TECTA: variants seen among roughly 807,000 people sequenced by gnomAD.
The protein encoded by TECTA is alpha-tectorin.
In TECTA, 128 loss-of-function variants were observed where a neutral mutation model predicts 216.8. The ratio of observed to expected loss-of-function variants is 0.59; its 90% CI spans 0.51 to 0.68. The LOEUF is 0.68. Ranked by LOEUF, TECTA falls within the 30% of genes least tolerant of loss-of-function variation. TECTA has a pLI of 0.00. For missense variants in TECTA, 2,551 were observed against 2,786.2 expected (o/e 0.92, Z 1.90); for synonymous variants, 1,089 against 1,117.1 (o/e 0.97, Z 0.50).
rs1427242678 is a variant in TECTA, at chr11:121,113,260, T to C, written c.624+51T>C. 1 of 1,612,554 alleles carries C rather than the reference T, an allele frequency of 6.2e-7. No individual in the cohort carries two copies. Among genetic ancestry groups the C allele is most frequent in the African/African-American group, 1.3e-5 (1 of 74,914 alleles). On this transcript the variant is annotated intron_variant, in intron 5 of 23. Coordinates refer to ENST00000392793, the MANE Select transcript of TECTA (RefSeq NM_005422.4). This position sits in a 1 kb window ranked among gnomAD's most constrained non-coding sequence, Gnocchi z 4.2. The stretch of plus-strand genomic sequence containing the variant: ...CGCGTGTTTCCGTCGCTGCACTCTC[T>C]GCTTCTGTGGCTCAGCATCCTGGAG...
chr11:121,120,545 A>G lies in TECTA; in HGVS notation c.1203+1827A>G, dbSNP rs371153098. ...GACTTCTTCAGCCATGCTGTGCCAGACCAGAAATGGCCACTAAGATCTGTT... is the reference window on the plus strand; with the variant it reads ...GACTTCTTCAGCCATGCTGTGCCAGGCCAGAAATGGCCACTAAGATCTGTT... On this transcript the variant is annotated intron_variant, in intron 7 of 23. Coordinates refer to ENST00000392793, the MANE Select transcript of TECTA (RefSeq NM_005422.4). Among the ~76,000 whole-genome samples the G allele has an allele frequency of 6.6e-5, 10 of 152,270 alleles. No individual in the cohort carries two copies. In the East Asian group the frequency reaches 1.4e-3, roughly 21 times the overall value.
chr11:121,118,658 C>G lies in TECTA; in HGVS notation c.1143C>G (p.Leu381=), dbSNP rs369118145. The G allele has an allele frequency of 9.3e-6, 15 of 1,613,960 alleles. No individual in the cohort carries two copies. Among genetic ancestry groups the G allele is most frequent in the Non-Finnish European group, 1.2e-5 (14 of 1,180,044 alleles). Residue 381 remains leucine, a synonymous_variant, in exon 7 of 24, where the codon CTC becomes CTG. Transcript: ENST00000392793. ...RGSAVSWVKE[L]SVEVNGYKIL... The stretch of plus-strand genomic sequence containing the variant: ...CAGCCGTCTCCTGGGTGAAGGAGCT[C>G]TCAGTGGAGGTGAATGGCTACAAGA...
At chr11:121,138,131 T>G in intron 11 of TECTA, 109 bp downstream of exon 11, 1 of 1,487,884 alleles carries the variant, frequency 6.7e-7, no homozygotes, top group Non-Finnish European at 9.2e-7. Flanking sequence ...AAAGAAAATC[T>G]TAGTATATTA....
At position 121,113,709 on chromosome 11, in the gene TECTA, A is replaced by G. The variant is rs773303895; in HGVS notation, c.781A>G (p.Thr261Ala). 4.6e-5 allele frequency: 74 copies of G among 1,613,418 alleles called. No individual in the cohort carries two copies. The highest frequency in any genetic ancestry group is 6.0e-5 in the Non-Finnish European group (71 of 1,179,986). The change falls in exon 6 of 24, where the codon ACC becomes GCC. Residue 261 changes from threonine to alanine, a missense_variant. This residue lies in a region of TECTA where 2,375 missense variants were observed against 2,563.9 expected (regional missense o/e 0.93). Coordinates refer to ENST00000392793, the MANE Select transcript of TECTA (RefSeq NM_005422.4). The surrounding 1 kb of genome is among the most constrained non-coding windows in gnomAD (Gnocchi z 4.2). Reference sequence around the variant, plus strand: ...GGAAATTGACCCAGCCAATGGCTGCACCTCAAGGGGTAAAGCTTTTCCTCT... The same window carrying G: ...GGAAATTGACCCAGCCAATGGCTGCGCCTCAAGGGGTAAAGCTTTTCCTCT... ...GKEIDPANGC[T>A]SRGQFLRRGE...
intron 6 of TECTA, among the ~76,000 whole-genome samples, chr11:121,115,389 G>A (rs1298694327): frequency 6.6e-6 from 1 of 152,222 alleles, no homozygotes; most frequent in Non-Finnish European, 1.5e-5. Flanking sequence ...TAGCTACCAT[G>A]ACATTACTAT....
At position 121,162,346 on chromosome 11, in the gene TECTA, G is replaced by C. The variant is rs769559125; in HGVS notation, c.5248G>C (p.Glu1750Gln). 3.7e-6 allele frequency: 6 copies of C among 1,613,296 alleles called. No homozygotes were observed. The highest frequency in any genetic ancestry group is 2.7e-5 in the African/African-American group (2 of 74,946). ...ACRSFGILST[E>Q]WIEKENCSGV... ...CCGCTCCTTCGGGATCCTTAGCACCGAGTGGATTGAGAAGGAGAATTGCTG... is the reference window on the plus strand; with the variant it reads ...CCGCTCCTTCGGGATCCTTAGCACCCAGTGGATTGAGAAGGAGAATTGCTG... Residue 1750 changes from glutamate (E) to glutamine (Q), a missense_variant, in exon 16 of 24, where the codon GAG becomes CAG. Physicochemically the swap from Glu to Gln is conservative, Grantham distance 29. This residue lies in a region of TECTA where 2,375 missense variants were observed against 2,563.9 expected (regional missense o/e 0.93). Transcript: ENST00000392793.
At chr11:121,187,170 A>G (rs1947296390) in intron 20 of TECTA, among the ~76,000 whole-genome samples, 1 of 152,246 alleles carries the variant, frequency 6.6e-6, no homozygotes, top group Non-Finnish European at 1.5e-5. Context: ...GAAACATTGC[A>G]TGAAAAGACA....
chr11:121,136,460 A>G (rs776727853), intron 10 of TECTA, among the ~76,000 whole-genome samples: 5 of 152,184 alleles, frequency 3.3e-5, no homozygotes, highest in Non-Finnish European at 7.3e-5. Context: ...CACCAGGAAC[A>G]GAGAAATGAA....
At position 121,105,704 on chromosome 11, in the gene TECTA, G is replaced by A. The variant is rs681311; in HGVS notation, c.65-127G>A. 471,516 of 1,185,950 alleles carry A rather than the reference G, an allele frequency of 0.4. 95,064 individuals are homozygous for A. The highest frequency in any genetic ancestry group is 0.42 in the Non-Finnish European group (344,687 of 822,662). The allele number at this position is 1,185,950 out of a possible 1,614,324, so 73.5% of individuals were successfully genotyped here. A position where few individuals can be genotyped will look rare whatever the true frequency, so the allele number is the denominator to read the frequency against. ...GGCCTAGGTTTAGGATGAATGACAGGGCAGTATGACTTGCATTCAGCTTGC... is the reference window on the plus strand; with the variant it reads ...GGCCTAGGTTTAGGATGAATGACAGAGCAGTATGACTTGCATTCAGCTTGC... On this transcript the variant is annotated intron_variant, in intron 2 of 23. Transcript: ENST00000392793. This position sits in a 1 kb window ranked among gnomAD's most constrained non-coding sequence, Gnocchi z 5.3.
chr11:121,158,005 CGGCGGCG>C lies in TECTA; in HGVS notation c.4472_4478del (p.Gly1491AlafsTer72), dbSNP rs776066992. The C allele has an allele frequency of 1.2e-6, 2 of 1,612,864 alleles. No individual in the cohort carries two copies. Among genetic ancestry groups the C allele is most frequent in the South Asian group, 2.2e-5 (2 of 91,066 alleles). On this transcript the variant is annotated frameshift_variant, in exon 14 of 24. Transcript: ENST00000392793. LOFTEE classifies it high-confidence loss of function. ...CCAAGACCTCCTACTGCCTGGCGGC[CGGCGGCG>C]GCGTCTTCCGCACCTTCGACGGCGC...
chr11:121,146,852 C>T (rs1946843149), intron 12 of TECTA, among the ~76,000 whole-genome samples: 2 of 152,172 alleles, frequency 1.3e-5, no homozygotes, highest in South Asian at 2.1e-4. Context: ...CCATGCTAAA[C>T]GTTTTATCAA....
At position 121,187,964 on chromosome 11, in the gene TECTA, CTG is replaced by C; in HGVS notation, c.6133_6134del (p.Cys2045ArgfsTer8). ...TTCACCTTCACTGTGCAGTGTCACTCTGCGACTCAGAAAAGTACTCCTGTAAA... is the reference window on the plus strand; with the variant it reads ...TTCACCTTCACTGTGCAGTGTCACTCCGACTCAGAAAAGTACTCCTGTAAA... The part of the protein sequence containing the change: ...EVHLHCAVSL[C>X]DSEKYSCKIT... On this transcript the variant is annotated frameshift_variant, in exon 21 of 24. Coordinates refer to ENST00000392793, the MANE Select transcript of TECTA (RefSeq NM_005422.4). LOFTEE classifies it high-confidence loss of function. The C allele has an allele frequency of 6.2e-7, 1 of 1,614,212 alleles. No individual in the cohort carries two copies. The highest frequency in any genetic ancestry group is 8.5e-7 in the Non-Finnish European group (1 of 1,180,032).
At chr11:121,114,132 T>A (rs1473659714) in intron 6 of TECTA, among the ~76,000 whole-genome samples, 1 of 152,168 alleles carries the variant, frequency 6.6e-6, no homozygotes, top group Non-Finnish European at 1.5e-5. Flanking sequence ...ACTTTGTAGA[T>A]CTACAGGAAT....
At chr11:121,144,144 G>A (rs1195658562) in intron 11 of TECTA, among the ~76,000 whole-genome samples, 2 of 152,172 alleles carry the variant, frequency 1.3e-5, no homozygotes, top group Admixed American at 6.5e-5. Flanking sequence ...CAAACTGTTC[G>A]GTGTTGCTGG....
At chr11:121,150,640 TTAA>T (rs1009555810) in intron 12 of TECTA, among the ~76,000 whole-genome samples, 3 of 125,816 alleles carry the variant, frequency 2.4e-5, no homozygotes, top group African/African-American at 1.0e-4. Context: ...AAGGCCTATT[TTAA>T]TTTTTTTTTT....
intron 3 of TECTA, among the ~76,000 whole-genome samples, chr11:121,107,343 T>C (rs1039592421): frequency 6.6e-6 from 1 of 152,230 alleles, no homozygotes; most frequent in Non-Finnish European, 1.5e-5. Context: ...GCAGATTTAT[T>C]TGAGGGTAAA....
intron 9 of TECTA, 147 bp from the exon 10 acceptor site, chr11:121,129,491 C>T (rs144703824): frequency 1.0e-4 from 78 of 751,516 alleles, no homozygotes; most frequent in African/African-American, 6.3e-4. Flanking sequence ...CATGACAAAT[C>T]GGTTGGTATC....
intron 10 of TECTA, among the ~76,000 whole-genome samples, chr11:121,133,515 C>T (rs475731): frequency 0.22 from 34,007 of 152,154 alleles, 3,876 homozygotes; most frequent in African/African-American, 0.24. Context: ...ATTTCATTGT[C>T]GTGTCTCTTT....
intron 18 of TECTA, 106 bp from the exon 19 acceptor site, chr11:121,167,948 T>G (rs1947071315): frequency 1.5e-6 from 2 of 1,317,502 alleles, no homozygotes; most frequent in African/African-American, 2.9e-5. Context: ...CTCTAAATTA[T>G]GTATGGAAGG....
Sources: gnomAD v4.1 joint callset for allele counts (sites outside exome capture counted in the v4.1 genomes callset) on GRCh38, gnomAD v4.1.1 for gene constraint, gnomAD v4.1.1 regional missense constraint, Gnocchi (gnomAD v3.1) non-coding constraint, MANE v1.5 for transcripts, NCBI Gene and HGNC (gene_info 2026-07-23, HGNC 2026-07-21) for gene names.